Variants in GNAQ observed in about 807,000 individuals in gnomAD.
GNAQ encodes guanine nucleotide-binding protein G(q) subunit alpha.
A neutral mutation model predicts 43.9 loss-of-function variants in GNAQ; 8 were observed. That is an observed-to-expected ratio of 0.18 (90% CI 0.11 to 0.33). The LOEUF is 0.33. Among genes scored for constraint, GNAQ ranks in the 10% least tolerant of loss-of-function variants. GNAQ has a pLI of 1.00. For missense variants in GNAQ, 158 were observed against 450.8 expected, an observed-to-expected ratio of 0.35 and a Z score of 5.88; for synonymous variants, 155 against 170.7, an observed-to-expected ratio of 0.91 and a Z score of 0.71.
intron 2 of GNAQ, among the ~76,000 whole-genome samples, chr9:77,879,134 G>A (rs777864238): frequency 1.3e-5 from 2 of 151,922 alleles, no homozygotes; most frequent in African/African-American, 2.4e-5. Context: ...CGAACTAAGA[G>A]CATCTGAAAA....
At chr9:77,749,717 C>T (rs1408294364) in intron 5 of GNAQ, among the ~76,000 whole-genome samples, 4 of 152,078 alleles carry the variant, frequency 2.6e-5, no homozygotes, top group Admixed American at 6.5e-5. Flanking sequence ...ACACAGCAAT[C>T]CAGTATATTC....
intron 3 of GNAQ, among the ~76,000 whole-genome samples, chr9:77,801,625 A>G (rs1826743968): frequency 6.6e-6 from 1 of 152,212 alleles, no homozygotes; most frequent in Admixed American, 6.5e-5. Context: ...GGGGTGAAAG[A>G]GTTAAATTAA....
intron 1 of GNAQ, among the ~76,000 whole-genome samples, chr9:77,963,092 GAAGT>G (rs1304030068): frequency 6.6e-6 from 1 of 152,088 alleles, no homozygotes; most frequent in Non-Finnish European, 1.5e-5. Flanking sequence ...TGCTAAAATT[GAAGT>G]AAGAACAAAT....
At chr9:77,851,537 T>C (rs894084186) in intron 2 of GNAQ, among the ~76,000 whole-genome samples, 1 of 152,222 alleles carries the variant, frequency 6.6e-6, no homozygotes. Context: ...GACAGGTAAG[T>C]GACATCAAGT....
chr9:78,024,252 A>G (rs1006363503), intron 1 of GNAQ, among the ~76,000 whole-genome samples: 2 of 152,322 alleles, frequency 1.3e-5, no homozygotes, highest in Non-Finnish European at 1.5e-5. Flanking sequence ...AAACTGTTCC[A>G]TCTTTAAAAC....
chr9:77,846,185 A>G (rs1316246230), intron 2 of GNAQ, among the ~76,000 whole-genome samples: 1 of 152,236 alleles, frequency 6.6e-6, no homozygotes, highest in African/African-American at 2.4e-5. Context: ...AACATTAAAA[A>G]TGAGGAAATT....
intron 2 of GNAQ, among the ~76,000 whole-genome samples, chr9:77,833,009 C>G (rs1827325617): frequency 6.6e-6 from 1 of 152,176 alleles, no homozygotes; most frequent in Admixed American, 6.5e-5. Flanking sequence ...CTCTATCTCC[C>G]AGGCTGGAAT....
chr9:77,721,881 T>C (rs1825319689), intron 6 of GNAQ, among the ~76,000 whole-genome samples: 1 of 152,194 alleles, frequency 6.6e-6, no homozygotes, highest in Non-Finnish European at 1.5e-5. Context: ...GTTTCAGCTA[T>C]ATAATAAGTG....
intron 5 of GNAQ, among the ~76,000 whole-genome samples, chr9:77,767,520 A>G (rs1826156224): frequency 6.6e-6 from 1 of 152,224 alleles, no homozygotes; most frequent in African/African-American, 2.4e-5. Context: ...TCAGATCTAC[A>G]CTGAAATTAT....
intron 1 of GNAQ, among the ~76,000 whole-genome samples, chr9:77,935,029 G>A (rs1163666078): frequency 1.3e-5 from 2 of 152,156 alleles, no homozygotes; most frequent in Non-Finnish European, 2.9e-5. Context: ...GGAGGCTGAG[G>A]CAGGAGAATC....
In GNAQ at chr9:77,718,726, A is replaced by ATTTTTTTTTT. The variant is rs754786107; in HGVS notation, c.*2587_*2596dup. Reference sequence around the variant, plus strand: ...GTAGGCCTTCAAATGTTGTTGTTTAATTTTTTTTTTTTTTTTTTTTTTTTT... The same window carrying ATTTTTTTTTT: ...GTAGGCCTTCAAATGTTGTTGTTTAATTTTTTTTTTTTTTTTTTTTTTTTTTTTTTTTTTT... On this transcript the variant is annotated 3_prime_UTR_variant, in exon 7 of 7. Transcript: ENST00000286548. 3.9e-4 allele frequency: 45 copies of ATTTTTTTTTT among 114,374 alleles called. 1 individual carries two copies. The highest frequency in any genetic ancestry group is 4.4e-4 in the African/African-American group (10 of 22,972). 7.1% of individuals were successfully genotyped at this position (114,374 alleles called of 1,614,324 possible).
rs1823304566 is a variant in GNAQ at position 77,976,512 on chromosome 9, C to T, written c.137-54167G>A. Among the ~76,000 whole-genome samples the T allele has an allele frequency of 3.3e-5, 5 of 152,194 alleles. No individual in the cohort carries two copies. In the South Asian group the frequency reaches 1.0e-3, roughly 31 times the overall value. Reference sequence around the variant, plus strand: ...GGTTCAGGTGATTCTCCTGCCTCAGCCTCCCAAGTAGCTGGGATTACAGGC... The same window carrying T: ...GGTTCAGGTGATTCTCCTGCCTCAGTCTCCCAAGTAGCTGGGATTACAGGC... On this transcript the variant is annotated intron_variant, in intron 1 of 6. Transcript: ENST00000286548.
At chr9:77,768,869 A>C (rs1826175424) in intron 5 of GNAQ, among the ~76,000 whole-genome samples, 1 of 152,110 alleles carries the variant, frequency 6.6e-6, no homozygotes, top group Non-Finnish European at 1.5e-5. Context: ...ATTATTTATG[A>C]CTCCAAAATG....
intron 1 of GNAQ, among the ~76,000 whole-genome samples, chr9:78,007,221 A>G (rs563825264): frequency 6.6e-6 from 1 of 152,304 alleles, no homozygotes; most frequent in Admixed American, 6.5e-5. Flanking sequence ...AAGAATTGAT[A>G]CTAATATTTG....
At chr9:77,928,767 C>G (rs970085197) in intron 1 of GNAQ, among the ~76,000 whole-genome samples, 1 of 152,144 alleles carries the variant, frequency 6.6e-6, no homozygotes, top group African/African-American at 2.4e-5. Context: ...CACCTGTAAT[C>G]CCAGCACTTT....
At chr9:77,966,007 G>A (rs762554875) in intron 1 of GNAQ, among the ~76,000 whole-genome samples, 9 of 151,882 alleles carry the variant, frequency 5.9e-5, no homozygotes, top group Non-Finnish European at 1.0e-4. Flanking sequence ...CAGCAAAAAG[G>A]AGCGAACTAT....
chr9:77,803,401 T>G (rs1826778539), intron 3 of GNAQ, among the ~76,000 whole-genome samples: 2 of 152,224 alleles, frequency 1.3e-5, no homozygotes, highest in African/African-American at 2.4e-5. Context: ...GCATTCTGTC[T>G]AACACAGTGC....
chr9:77,858,445 C>T (rs1031197896), intron 2 of GNAQ, among the ~76,000 whole-genome samples: 21 of 152,168 alleles, frequency 1.4e-4, no homozygotes, highest in African/African-American at 4.8e-4. Context: ...CTTCATTTCA[C>T]TGCCAGATCG....
intron 1 of GNAQ, among the ~76,000 whole-genome samples, chr9:78,016,322 T>G (rs377287558): frequency 2.0e-5 from 3 of 152,156 alleles, no homozygotes; most frequent in Admixed American, 1.3e-4. Flanking sequence ...GTTCTGTTCT[T>G]TTCCCCCTTG....
Sources: gnomAD v4.1 joint callset for allele counts (sites outside exome capture counted in the v4.1 genomes callset) on GRCh38, gnomAD v4.1.1 for gene constraint, MANE v1.5 for transcripts, NCBI Gene and HGNC (gene_info 2026-07-23, HGNC 2026-07-21) for gene names.